WDPCP: variants seen among roughly 807,000 people sequenced by gnomAD.
WDPCP encodes WD repeat-containing and planar cell polarity effector protein fritz homolog.
A neutral mutation model predicts 93.1 loss-of-function variants in WDPCP; 71 were observed. That is an observed-to-expected ratio of 0.76 (90% CI 0.63 to 0.93). The LOEUF is 0.93. Ranked by LOEUF, WDPCP falls within the 40% of genes least tolerant of loss-of-function variation. WDPCP has a pLI of 0.00. For synonymous variants in WDPCP, 315 were observed against 315.0 expected, an observed-to-expected ratio of 1.00 and a Z score of 0.00; for missense variants, 844 against 887.4, an observed-to-expected ratio of 0.95 and a Z score of 0.62.
intron 1 of WDPCP, among the ~76,000 whole-genome samples, chr2:63,547,382 C>T (rs1270480652): frequency 6.6e-6 from 1 of 152,196 alleles, no homozygotes; most frequent in East Asian, 1.9e-4. Flanking sequence ...AATAGAACTA[C>T]CGTATGATCC....
At chr2:63,335,184 T>C (rs1375359565) in intron 12 of WDPCP, among the ~76,000 whole-genome samples, 1 of 152,208 alleles carries the variant, frequency 6.6e-6, no homozygotes, top group Non-Finnish European at 1.5e-5. Context: ...TATCTACCCA[T>C]GCCCTTTTAA....
chr2:63,347,101 A>G (rs1689245087), intron 12 of WDPCP, among the ~76,000 whole-genome samples: 1 of 152,204 alleles, frequency 6.6e-6, no homozygotes, highest in Admixed American at 6.5e-5. Context: ...ACAACAGGTA[A>G]TATTTATTAG....
intron 12 of WDPCP, among the ~76,000 whole-genome samples, chr2:63,322,577 C>T (rs542829819): frequency 3.3e-5 from 5 of 152,086 alleles, no homozygotes; most frequent in South Asian, 4.2e-4. Context: ...CGAAGGTCTG[C>T]GGCTTCACTC....
intron 1 of WDPCP, among the ~76,000 whole-genome samples, chr2:63,528,377 T>C (rs1318871107): frequency 1.3e-5 from 2 of 152,242 alleles, no homozygotes; most frequent in Non-Finnish European, 1.5e-5. Flanking sequence ...TTAATCCATC[T>C]TGAATTAATT....
chr2:63,756,312 T>G (rs529890457), intron 2 of WDPCP, among the ~76,000 whole-genome samples: 2 of 152,348 alleles, frequency 1.3e-5, no homozygotes, highest in East Asian at 3.9e-4. Context: ...TTCTGTATCC[T>G]TTGAATTGCT....
intron 14 of WDPCP, among the ~76,000 whole-genome samples, chr2:63,213,845 T>G (rs2104430293): frequency 6.6e-6 from 1 of 151,836 alleles, no homozygotes; most frequent in African/African-American, 2.4e-5. Flanking sequence ...TATGAACACC[T>G]CTACACAAAT....
At chr2:63,286,907 C>T (rs1460037893) in intron 13 of WDPCP, among the ~76,000 whole-genome samples, 5 of 152,052 alleles carry the variant, frequency 3.3e-5, no homozygotes, top group East Asian at 3.9e-4. Flanking sequence ...TTATAGTAGT[C>T]GGCTAAGGCT....
In WDPCP at chr2:63,363,841, A is replaced by T. The variant is rs182389441; in HGVS notation, c.1748+14545T>A. ...TCCATTTCTCTTTCCTCCAAATTCC[A>T]CTTTTTATCATATAGTTGTATTTTT... On this transcript the variant is annotated intron_variant, in intron 12 of 17. Transcript: ENST00000272321. 6.9e-4 allele frequency among the ~76,000 whole-genome samples: 105 copies of T among 152,062 alleles called. 1 individual carries two copies. Among genetic ancestry groups the T allele is most frequent in the Middle Eastern group, 6.8e-3 (2 of 292 alleles).
chr2:63,130,321 T>C (rs1462252172), intron 17 of WDPCP, among the ~76,000 whole-genome samples: 1 of 152,124 alleles, frequency 6.6e-6, no homozygotes, highest in African/African-American at 2.4e-5. Flanking sequence ...CTTCATACTT[T>C]TGCATATGGA....
At chr2:63,590,393 A>C (rs901175808), upstream of WDPCP, 11 of 152,080 alleles carry the variant, frequency 7.2e-5, no homozygotes, top group African/African-American at 2.7e-4. Flanking sequence ...CTGAATTTTT[A>C]TTTTTATAGG....
chr2:63,746,493 A>T (rs1192958042), intron 2 of WDPCP, among the ~76,000 whole-genome samples: 1 of 152,182 alleles, frequency 6.6e-6, no homozygotes, highest in Non-Finnish European at 1.5e-5. Context: ...GGACAGAGCC[A>T]TACTTCTCTT....
At position 63,422,157 on chromosome 2, in the gene WDPCP, T is replaced by C. The variant is rs536766718; in HGVS notation, c.825+11588A>G. Among the ~76,000 whole-genome samples, 6 of 152,264 alleles carry C rather than the reference T, an allele frequency of 3.9e-5. No individual in the cohort carries two copies. The East Asian group carries it at 1.2e-3, about 29-fold the overall frequency. On this transcript the variant is annotated intron_variant, in intron 9 of 17. Transcript: ENST00000272321. Reference sequence around the variant, plus strand: ...CATTAAAAAGGAAACCACAGTGTCTTGGAGAAATGACTAATTCCAGGTGTG... The same window carrying C: ...CATTAAAAAGGAAACCACAGTGTCTCGGAGAAATGACTAATTCCAGGTGTG...
chr2:63,396,062 T>C (rs973879759), intron 10 of WDPCP, among the ~76,000 whole-genome samples: 4 of 152,178 alleles, frequency 2.6e-5, no homozygotes, highest in African/African-American at 9.6e-5. Flanking sequence ...GTATTTTACT[T>C]ATGTAAATTA....
intron 13 of WDPCP, 76 bp downstream of exon 13, chr2:63,313,172 T>C (rs2103951933): frequency 7.2e-7 from 1 of 1,384,742 alleles, no homozygotes; most frequent in Non-Finnish European, 1.0e-6. Flanking sequence ...ATGACAGTAA[T>C]CCTTTTTATG....
At chr2:63,794,026 T>C (rs1054966000) in intron 2 of WDPCP, among the ~76,000 whole-genome samples, 1 of 152,058 alleles carries the variant, frequency 6.6e-6, no homozygotes, top group African/African-American at 2.4e-5. Context: ...TATATACAGA[T>C]AAAATATTAG....
At chr2:63,664,443 G>A (rs555474015) in intron 2 of WDPCP, among the ~76,000 whole-genome samples, 1 of 152,284 alleles carries the variant, frequency 6.6e-6, no homozygotes, top group African/African-American at 2.4e-5. Context: ...TGCTGCAACT[G>A]CCCCTGGATA....
At chr2:63,602,910 C>T (rs1709452173) in intron 3 of WDPCP, among the ~76,000 whole-genome samples, 1 of 147,042 alleles carries the variant, frequency 6.8e-6, no homozygotes, top group African/African-American at 2.5e-5. Flanking sequence ...CTATGTAAGA[C>T]ATAATACAGT....
intron 2 of WDPCP, among the ~76,000 whole-genome samples, chr2:63,674,354 G>A (rs549423235): frequency 6.6e-6 from 1 of 152,210 alleles, no homozygotes; most frequent in East Asian, 1.9e-4. Context: ...CAGGTAGAAT[G>A]AAAAAGGAGC....
intron 2 of WDPCP, among the ~76,000 whole-genome samples, chr2:63,720,415 T>TCAAA (rs1167952657): frequency 2.1e-5 from 3 of 145,222 alleles, no homozygotes; most frequent in South Asian, 2.2e-4. Context: ...AGACTCTACC[T>TCAAA]TAAAAAAAAA....
Sources: allele counts gnomAD v4.1 joint callset (sites outside exome capture counted in the v4.1 genomes callset), GRCh38; gene constraint gnomAD v4.1.1; transcripts MANE v1.5; gene names NCBI Gene and HGNC (gene_info 2026-07-23, HGNC 2026-07-21).